Variants in TMEM132D observed in about 807,000 individuals in gnomAD.
The protein encoded by TMEM132D is transmembrane protein 132D.
Under a neutral mutation model 62.3 loss-of-function variants are expected in TMEM132D, and 21 were observed. The observed-to-expected ratio is 0.34, with a 90% CI of 0.24 to 0.49. The LOEUF (loss-of-function observed/expected upper bound fraction) is 0.49. Ranked by LOEUF, TMEM132D falls within the 20% of genes least tolerant of loss-of-function variation. The pLI, the probability that TMEM132D is intolerant of heterozygous loss-of-function variation, is 0.99. For synonymous variants in TMEM132D, 621 were observed against 575.6 expected (o/e 1.08, Z -1.13); for missense variants, 1,346 against 1,402.8 (o/e 0.96, Z 0.65).
intron 1 of TMEM132D, among the ~76,000 whole-genome samples, chr12:129,837,818 T>G (rs1034481631): frequency 6.6e-6 from 1 of 152,196 alleles, no homozygotes; most frequent in Non-Finnish European, 1.5e-5. Context: ...CCACGAAATA[T>G]ACATGAAATG....
rs1878060032 is a variant in TMEM132D, at chr12:129,181,364, G to A, written c.1443+28156C>T. Among the ~76,000 whole-genome samples, 5 of 152,214 alleles carry A rather than the reference G, an allele frequency of 3.3e-5. No homozygotes were observed. In the South Asian group the frequency reaches 1.0e-3, roughly 32 times the overall value. Reference sequence around the variant, plus strand: ...TCTCTACTTTATCAACTCTTGCCCAGACAATTGCAATCACATCCAAATTGA... The same window carrying A: ...TCTCTACTTTATCAACTCTTGCCCAAACAATTGCAATCACATCCAAATTGA... On this transcript the variant is annotated intron_variant, in intron 5 of 8. Transcript: ENST00000422113.
intron 1 of TMEM132D, among the ~76,000 whole-genome samples, chr12:129,859,041 G>A (rs1165390196): frequency 6.6e-6 from 1 of 151,372 alleles, no homozygotes; most frequent in Non-Finnish European, 1.5e-5. Flanking sequence ...GGGGGAACGG[G>A]ATGGGTGCCC....
At chr12:129,151,443 C>A (rs1467517872) in intron 5 of TMEM132D, among the ~76,000 whole-genome samples, 1 of 152,194 alleles carries the variant, frequency 6.6e-6, no homozygotes, top group African/African-American at 2.4e-5. Context: ...GAGCGGCTGA[C>A]CCTCGGTGTC....
At chr12:129,423,359 G>A (rs772114922) in intron 3 of TMEM132D, among the ~76,000 whole-genome samples, 2 of 152,098 alleles carry the variant, frequency 1.3e-5, no homozygotes, top group African/African-American at 2.4e-5. Flanking sequence ...GCCTATAGCC[G>A]CTGATAACTG....
At position 129,231,713 on chromosome 12, in the gene TMEM132D, T is replaced by A. The variant is rs987149828; in HGVS notation, c.1300-22050A>T. 5.9e-5 allele frequency among the ~76,000 whole-genome samples: 9 copies of A among 152,126 alleles called. No homozygotes were observed. The East Asian group carries it at 1.7e-3, about 29-fold the overall frequency. On this transcript the variant is annotated intron_variant, in intron 4 of 8. Coordinates refer to ENST00000422113, the MANE Select transcript of TMEM132D (RefSeq NM_133448.3). The stretch of plus-strand genomic sequence containing the variant: ...AATGAGGCTGAGGTCGTGGGTTCAA[T>A]CCCCACCGGGCTATGGGTTTGTTGA...
At chr12:129,236,607 ATTAG>A (rs1170278793) in intron 4 of TMEM132D, among the ~76,000 whole-genome samples, 1 of 150,764 alleles carries the variant, frequency 6.6e-6, no homozygotes, top group Non-Finnish European at 1.5e-5. Context: ...AAATTTGTTT[ATTAG>A]TTCTAGCAGT....
chr12:129,492,534 A>T (rs1874827205), intron 3 of TMEM132D, among the ~76,000 whole-genome samples: 1 of 152,094 alleles, frequency 6.6e-6, no homozygotes, highest in Non-Finnish European at 1.5e-5. Flanking sequence ...CACATTGCAC[A>T]CTCCACCCAA....
chr12:129,631,290 T>C (rs193176124), intron 2 of TMEM132D, among the ~76,000 whole-genome samples: 1 of 152,248 alleles, frequency 6.6e-6, no homozygotes, highest in African/African-American at 2.4e-5. Context: ...GAACTCTGGA[T>C]AAAACCATGG....
At chr12:129,693,518 G>GA (rs1221087900) in intron 2 of TMEM132D, among the ~76,000 whole-genome samples, 1 of 152,094 alleles carries the variant, frequency 6.6e-6, no homozygotes, top group Non-Finnish European at 1.5e-5. Context: ...GGGAGAATGG[G>GA]AAAAAAGTAA....
intron 5 of TMEM132D, among the ~76,000 whole-genome samples, chr12:129,090,501 C>T (rs950365552): frequency 2.6e-5 from 4 of 152,034 alleles, no homozygotes; most frequent in African/African-American, 9.7e-5. Flanking sequence ...CCCATCTCTA[C>T]TAAAAATATA....
chr12:129,241,680 C>T (rs975379905), intron 4 of TMEM132D, among the ~76,000 whole-genome samples: 4 of 152,164 alleles, frequency 2.6e-5, no homozygotes, highest in African/African-American at 9.7e-5. Flanking sequence ...CTTCATAGCA[C>T]TTGTCATAGA....
At chr12:129,467,325 A>C in intron 3 of TMEM132D, among the ~76,000 whole-genome samples, 1 of 152,254 alleles carries the variant, frequency 6.6e-6, no homozygotes, top group South Asian at 2.1e-4. Flanking sequence ...TCAATTTCCA[A>C]GCAGACTCTC....
At chr12:129,858,983 G>C (rs1450105381) in intron 1 of TMEM132D, among the ~76,000 whole-genome samples, 1 of 105,844 alleles carries the variant, frequency 9.4e-6, no homozygotes, top group Non-Finnish European at 1.9e-5. Context: ...CGGGATGGGT[G>C]CCCTTGGAGT....
At chr12:129,302,653 A>G (rs1881749626) in intron 4 of TMEM132D, among the ~76,000 whole-genome samples, 1 of 152,224 alleles carries the variant, frequency 6.6e-6, no homozygotes, top group African/African-American at 2.4e-5. Flanking sequence ...CTCCAGGACC[A>G]GCAGGCCACT....
At chr12:129,471,063 C>T (rs1417388105) in intron 3 of TMEM132D, among the ~76,000 whole-genome samples, 1 of 152,140 alleles carries the variant, frequency 6.6e-6, no homozygotes, top group Non-Finnish European at 1.5e-5. Flanking sequence ...TGGATCTTTG[C>T]TCTAAATCCC....
intron 4 of TMEM132D, among the ~76,000 whole-genome samples, chr12:129,230,309 G>GGGC (rs1016903794): frequency 3.3e-5 from 5 of 149,256 alleles, no homozygotes; most frequent in Non-Finnish European, 7.4e-5. Context: ...TGTGTTGGAG[G>GGGC]GGGGGGGCTC....
At chr12:129,613,108 T>C (rs1381164395) in intron 2 of TMEM132D, among the ~76,000 whole-genome samples, 3 of 152,170 alleles carry the variant, frequency 2.0e-5, no homozygotes, top group Admixed American at 2.0e-4. Flanking sequence ...CCTTTTTTCC[T>C]AGAACTACGA....
intron 2 of TMEM132D, among the ~76,000 whole-genome samples, chr12:129,563,850 G>C (rs1174402843): frequency 6.6e-6 from 1 of 152,078 alleles, no homozygotes; most frequent in Non-Finnish European, 1.5e-5. Context: ...AATACATTAA[G>C]AGACCAATCA....
chr12:129,147,239 CAT>C (rs34427264), intron 5 of TMEM132D, among the ~76,000 whole-genome samples: 41 of 147,304 alleles, frequency 2.8e-4, no homozygotes, highest in Middle Eastern at 3.6e-3. Flanking sequence ...TGTATATATA[CAT>C]ATGTTTATGT....
Sources: allele counts gnomAD v4.1 joint callset (sites outside exome capture counted in the v4.1 genomes callset), GRCh38; gene constraint gnomAD v4.1.1; transcripts MANE v1.5; gene names NCBI Gene and HGNC (gene_info 2026-07-23, HGNC 2026-07-21).